The following PYGO1 variants were observed in gnomAD, a reference collection of about 807,000 sequenced individuals.
PYGO1 encodes the protein pygopus family PHD finger 1.
In PYGO1, 6 loss-of-function variants were observed where a neutral mutation model predicts 29.5. That is an observed-to-expected ratio of 0.20 (90% CI 0.11 to 0.40). The LOEUF (loss-of-function observed/expected upper bound fraction) is 0.40, where lower values mean the gene tolerates loss of function less well. PYGO1 is among the 10% of genes least tolerant of loss of function. PYGO1 has a pLI of 1.00. For synonymous variants in PYGO1, 186 were observed against 180.5 expected, an observed-to-expected ratio of 1.03 and a Z score of -0.24; for missense variants, 515 against 514.9, an observed-to-expected ratio of 1.00 and a Z score of 0.00.
chr15:55,586,529 C>A (rs1293597491), intron 1 of PYGO1, among the ~76,000 whole-genome samples: 1 of 152,142 alleles, frequency 6.6e-6, no homozygotes, highest in Admixed American at 6.6e-5. Flanking sequence ...TATCTATCAC[C>A]TTTGCTCACT....
intron 1 of PYGO1, among the ~76,000 whole-genome samples, chr15:55,566,103 G>A (rs948175528): frequency 6.6e-6 from 1 of 152,110 alleles, no homozygotes; most frequent in Non-Finnish European, 1.5e-5. Context: ...TTTTATTTTA[G>A]ATTTGGGGAG....
intron 1 of PYGO1, among the ~76,000 whole-genome samples, chr15:55,574,678 T>C (rs28591647): frequency 0.039 from 5,882 of 151,842 alleles, 393 homozygotes; most frequent in African/African-American, 0.13. Flanking sequence ...GTGTGTATGA[T>C]ACGTAAACAT....
chr15:55,552,769 C>T (rs1034154509), intron 1 of PYGO1, among the ~76,000 whole-genome samples: 2 of 152,118 alleles, frequency 1.3e-5, no homozygotes, highest in Admixed American at 1.3e-4. Flanking sequence ...CACACAGAGA[C>T]CCAGGAGTTT....
rs547585077 is a variant in PYGO1 at position 55,548,989 on chromosome 15, T to A, written c.56A>T (p.Asp19Val). 5 of 1,598,566 alleles carry A rather than the reference T, an allele frequency of 3.1e-6. No homozygotes were observed. The South Asian group carries it at 5.7e-5, about 18-fold the overall frequency. Residue 19 changes from aspartate to valine, a missense_variant, in exon 2 of 3, where the codon GAT (aspartate) becomes GTT (valine). Asp to Val is a radical substitution (Grantham distance 152, BLOSUM62 -3). Coordinates refer to ENST00000563719, the MANE Select transcript of PYGO1 (RefSeq NM_001367806.1). ...PISLKRVRGG[D>V]SGLDGLGGPG... ...TCCTCCTAACCCATCCAGTCCACTA[T>A]CACCACCTAAAAAAAAAAAAATTCA...
chr15:55,571,192 T>C (rs1320925544), intron 1 of PYGO1, among the ~76,000 whole-genome samples: 1 of 152,212 alleles, frequency 6.6e-6, no homozygotes, highest in Non-Finnish European at 1.5e-5. Flanking sequence ...AGAATTTCCT[T>C]CCTTTTTGTG....
At position 55,562,992 on chromosome 15, in the gene PYGO1, G is replaced by A. The variant is rs554426385; in HGVS notation, c.50-13997C>T. On this transcript the variant is annotated intron_variant, in intron 1 of 2. Transcript: ENST00000563719. The stretch of plus-strand genomic sequence containing the variant: ...GGAACAACACACACTGGGGCCTGTC[G>A]GGGGGAGCGGGAGGGAGAGCATCGT... Among the ~76,000 whole-genome samples the A allele has an allele frequency of 1.2e-4, 19 of 152,120 alleles. No homozygotes were observed. The South Asian group carries it at 2.9e-3, about 23-fold the overall frequency.
At chr15:55,574,987 G>T (rs1048958460) in intron 1 of PYGO1, among the ~76,000 whole-genome samples, 5 of 152,156 alleles carry the variant, frequency 3.3e-5, no homozygotes, top group African/African-American at 1.2e-4. Flanking sequence ...TACTGTGTCA[G>T]ATACTGGGAT....
chr15:55,588,183 G>GCGCCGC lies in PYGO1; in HGVS notation c.-306_-301dup, dbSNP rs542038034. 804 of 342,988 alleles carry GCGCCGC rather than the reference G, an allele frequency of 2.3e-3. 8 individuals are homozygous for GCGCCGC. Among genetic ancestry groups the GCGCCGC allele is most frequent in the African/African-American group, 0.017 (763 of 44,368 alleles). 21.2% of individuals were successfully genotyped at this position (342,988 alleles called of 1,614,324 possible). On this transcript the variant is annotated 5_prime_UTR_variant, in exon 1 of 3. Transcript: ENST00000563719. ...GGGCCGGCATGTGCTGAGGGCGAGT[G>GCGCCGC]CGCCGCCGCCGCCGCCGCCTCCTCC...
intron 1 of PYGO1, among the ~76,000 whole-genome samples, chr15:55,560,683 C>T (rs2058929145): frequency 6.6e-6 from 1 of 152,160 alleles, no homozygotes; most frequent in African/African-American, 2.4e-5. Flanking sequence ...ACACTACTAG[C>T]TGGGCACAGT....
chr15:55,551,789 AG>A (rs1184681514), intron 1 of PYGO1, among the ~76,000 whole-genome samples: 1 of 152,156 alleles, frequency 6.6e-6, no homozygotes, highest in African/African-American at 2.4e-5. Flanking sequence ...CCTGGGCAAC[AG>A]AGCAAGACCC....
chr15:55,552,621 C>T (rs923052981), intron 1 of PYGO1, among the ~76,000 whole-genome samples: 1 of 152,042 alleles, frequency 6.6e-6, no homozygotes, highest in East Asian at 1.9e-4. Context: ...GTGACCCCAT[C>T]CAGGAAACCA....
intron 1 of PYGO1, among the ~76,000 whole-genome samples, chr15:55,555,147 C>T (rs1354724881): frequency 1.3e-5 from 2 of 152,082 alleles, no homozygotes; most frequent in Admixed American, 1.3e-4. Flanking sequence ...ACCAATCAGA[C>T]TAACAGTAGA....
chr15:55,559,829 G>A (rs1157822896), intron 1 of PYGO1, among the ~76,000 whole-genome samples: 1 of 152,134 alleles, frequency 6.6e-6, no homozygotes, highest in African/African-American at 2.4e-5. Flanking sequence ...ACATCAAAAA[G>A]TTTACGCACC....
rs1340448880 is a variant in PYGO1, at chr15:55,587,700, C to G, written c.49+135G>C. On this transcript the variant is annotated intron_variant, in intron 1 of 2. Transcript: ENST00000563719. The stretch of plus-strand genomic sequence containing the variant: ...CGCGCGCTCGGATCGCAGCCTCGGC[C>G]CCGGGGTGCCGGCGGGACGCGGGCT... The G allele has an allele frequency of 5.9e-6, 7 of 1,183,384 alleles. No individual in the cohort carries two copies. In the East Asian group the frequency reaches 2.6e-4, roughly 45 times the overall value. The allele number at this position is 1,183,384 out of a possible 1,614,324, so 73.3% of individuals were successfully genotyped here.
chr15:55,576,455 CAAAAAAAAAAAA>C (rs71105896), intron 1 of PYGO1, among the ~76,000 whole-genome samples: 3 of 46,410 alleles, frequency 6.5e-5, no homozygotes, highest in Non-Finnish European at 3.3e-5. Flanking sequence ...GACTCCGTCT[CAAAAAAAAAAAA>C]AAAAAAAAAA....
In PYGO1 at chr15:55,587,825, T is replaced by G. The variant is rs1483429192; in HGVS notation, c.49+10A>C. The G allele has an allele frequency of 6.7e-6, 10 of 1,488,658 alleles. No homozygotes were observed. In the East Asian group the frequency reaches 2.5e-4, roughly 38 times the overall value. 92.2% of individuals were successfully genotyped at this position (1,488,658 alleles called of 1,614,324 possible). On this transcript the variant is annotated intron_variant, in intron 1 of 2. Transcript: ENST00000563719. ...CCCGGTTCCCCCAATCCGGCACCCT[T>G]CTCGGTTACCTCGAACTCTCTTCAG...
chr15:55,577,830 A>G (rs2059009832), intron 1 of PYGO1, among the ~76,000 whole-genome samples: 1 of 150,256 alleles, frequency 6.7e-6, no homozygotes, highest in African/African-American at 2.5e-5. Flanking sequence ...CAGTGGCACA[A>G]TCTTGGCTCA....
chr15:55,565,340 T>A (rs2058950609), intron 1 of PYGO1, among the ~76,000 whole-genome samples: 1 of 152,120 alleles, frequency 6.6e-6, no homozygotes, highest in Non-Finnish European at 1.5e-5. Flanking sequence ...AAAATGGTCA[T>A]ATTTTCATCT....
Position 55,566,391 on chromosome 15 carries a change from A to G in PYGO1, c.50-17396T>C, listed in dbSNP as rs796626951. The stretch of plus-strand genomic sequence containing the variant: ...TCCAGTTGCATTCATATTGCTACAA[A>G]AAAAAAAAAGATTTCATTCTTTTTT... On this transcript the variant is annotated intron_variant, in intron 1 of 2. Coordinates refer to ENST00000563719, the MANE Select transcript of PYGO1 (RefSeq NM_001367806.1). Among the ~76,000 whole-genome samples the G allele has an allele frequency of 1.0e-3, 139 of 138,662 alleles. 1 individual carries two copies. The South Asian group carries it at 0.028, about 28-fold the overall frequency. 91.0% of individuals were successfully genotyped at this position (138,662 alleles called of 152,430 possible).
Sources: allele counts gnomAD v4.1 joint callset (sites outside exome capture counted in the v4.1 genomes callset), GRCh38; gene constraint gnomAD v4.1.1; transcripts MANE v1.5; gene names NCBI Gene and HGNC (gene_info 2026-07-23, HGNC 2026-07-21).